The following SOS2 variants were observed in gnomAD, a reference collection of about 807,000 sequenced individuals.
SOS2 encodes the protein son of sevenless homolog 2.
In SOS2, 65 loss-of-function variants were observed where a neutral mutation model predicts 148.2. The ratio of observed to expected loss-of-function variants is 0.44; its 90% CI spans 0.36 to 0.54. The LOEUF is 0.54. Among genes scored for constraint, SOS2 ranks in the 20% least tolerant of loss-of-function variants. The probability of loss-of-function intolerance (pLI) is 0.00; values close to 1 mark genes in which losing one functional copy is unlikely to be tolerated. For synonymous variants in SOS2, 539 were observed against 537.1 expected, an observed-to-expected ratio of 1.00 and a Z score of -0.05; for missense variants, 1,341 against 1,590.2, an observed-to-expected ratio of 0.84 and a Z score of 2.67.
rs529165467 is a variant in SOS2 at position 50,147,737 on chromosome 14, A to G, written c.2385-2141T>C. 4.6e-5 allele frequency among the ~76,000 whole-genome samples: 7 copies of G among 152,336 alleles called. No individual in the cohort carries two copies. The East Asian group carries it at 1.3e-3, about 29-fold the overall frequency. On this transcript the variant is annotated intron_variant, in intron 14 of 22. Transcript: ENST00000216373. ...GTTGTTCATGAATATTCATTATATT[A>G]TTTCCTATATTTTTTGAATGCCTGA...
chr14:50,174,443 T>C lies in SOS2; in HGVS notation c.1068+11A>G. 1.3e-6 allele frequency: 2 copies of C among 1,512,502 alleles called. No homozygotes were observed. The highest frequency in any genetic ancestry group is 1.2e-5 in the South Asian group (1 of 83,308). The allele number at this position is 1,512,502 out of a possible 1,614,324, so 93.7% of individuals were successfully genotyped here. ...AGATAAGTACTTTGAGATTCTGTTA[T>C]AAAACCTTACCTTTAGTAACTCAAA... On this transcript the variant is annotated intron_variant, in intron 8 of 22. Coordinates refer to ENST00000216373, the MANE Select transcript of SOS2 (RefSeq NM_006939.4).
rs1566839704 is a variant in SOS2, at chr14:50,178,705, TATATATAC to T, written c.969+1859_969+1866del. Among the ~76,000 whole-genome samples, 219 of 129,350 alleles carry T rather than the reference TATATATAC, an allele frequency of 1.7e-3. 2 individuals are homozygous for T. Among genetic ancestry groups the T allele is most frequent in the African/African-American group, 6.2e-3 (204 of 33,042 alleles). 84.9% of individuals were successfully genotyped at this position (129,350 alleles called of 152,430 possible). On this transcript the variant is annotated intron_variant, in intron 7 of 22. Transcript: ENST00000216373. ...ATATATATATATATATATATATATA[TATATATAC>T]ACACATATACACACACATATATATA...
rs536084984 is a variant in SOS2 at position 50,135,089 on chromosome 14, AAAAGAAAGAAAGAAAG to A, written c.2959-866_2959-851del. Among the ~76,000 whole-genome samples, 18 of 131,576 alleles carry A rather than the reference AAAAGAAAGAAAGAAAG, an allele frequency of 1.4e-4. No homozygotes were observed. In the East Asian group the frequency reaches 3.6e-3, roughly 27 times the overall value. 86.3% of individuals were successfully genotyped at this position (131,576 alleles called of 152,430 possible). A position where few individuals can be genotyped will look rare whatever the true frequency, so the allele number is the denominator to read the frequency against. On this transcript the variant is annotated intron_variant, in intron 18 of 22. Transcript: ENST00000216373. ...ACTGTCTCAAAAAAAAAAAAAAAAA[AAAAGAAAGAAAGAAAG>A]AAAGAAAGAAAGAATGATTATAAAG...
At chr14:50,141,814 GAA>G (rs1566824302) in intron 16 of SOS2, among the ~76,000 whole-genome samples, 1 of 152,036 alleles carries the variant, frequency 6.6e-6, no homozygotes, top group East Asian at 1.9e-4. Context: ...CGTTCCTCCT[GAA>G]AAAGAGTAAG....
chr14:50,129,174 G>A (rs1354240717), intron 21 of SOS2, among the ~76,000 whole-genome samples: 1 of 151,978 alleles, frequency 6.6e-6, no homozygotes, highest in Non-Finnish European at 1.5e-5. Context: ...ATAGAATAGT[G>A]CTTTACTTAA....
At position 50,145,299 on chromosome 14, in the gene SOS2, C is replaced by A; in HGVS notation, c.2538G>T (p.Arg846=). The change falls in exon 16 of 23, where the codon CGG becomes CGT. Residue 846 remains arginine (R), a synonymous_variant. Coordinates refer to ENST00000216373, the MANE Select transcript of SOS2 (RefSeq NM_006939.4). ...CTATAATTCTACTTAGTACTGCCAC[C>A]CGTTCTTCAAAATTTTCTGCTTCCA... The part of the protein sequence containing the change: ...CIVEAENFEE[R]VAVLSRIIEI... 6.2e-7 allele frequency: 1 copy of A among 1,602,570 alleles called. No individual in the cohort carries two copies. The highest frequency in any genetic ancestry group is 8.5e-7 in the Non-Finnish European group (1 of 1,177,080).
rs142793566 is a variant in SOS2, at chr14:50,179,282, TACTA to T, written c.969+1286_969+1289del. 6.9e-3 allele frequency among the ~76,000 whole-genome samples: 1,044 copies of T among 152,312 alleles called. 16 individuals carry two copies. The highest frequency in any genetic ancestry group is 0.024 in the African/African-American group (1,004 of 41,564). On this transcript the variant is annotated intron_variant, in intron 7 of 22. Coordinates refer to ENST00000216373, the MANE Select transcript of SOS2 (RefSeq NM_006939.4). Reference sequence around the variant, plus strand: ...CTTTCTTCACTCTAGTTAATTATTCTACTAGAGTGAAGAAAGGTTTGTTCATTTG... The same window carrying T: ...CTTTCTTCACTCTAGTTAATTATTCTGAGTGAAGAAAGGTTTGTTCATTTG...
At chr14:50,206,467 C>T (rs754755380) in intron 1 of SOS2, among the ~76,000 whole-genome samples, 13 of 152,154 alleles carry the variant, frequency 8.5e-5, no homozygotes, top group Non-Finnish European at 1.6e-4. Flanking sequence ...CTATAGGTTA[C>T]TTGTAACACC....
Position 50,133,055 on chromosome 14 carries a change from T to C in SOS2, c.3075+1068A>G, listed in dbSNP as rs144436809. Reference sequence around the variant, plus strand: ...GTAAAAGAGACTGCAATGATATGGTTAAATTCCCAGGATCTTTAGTTTTTT... The same window carrying C: ...GTAAAAGAGACTGCAATGATATGGTCAAATTCCCAGGATCTTTAGTTTTTT... On this transcript the variant is annotated intron_variant, in intron 19 of 22. Coordinates refer to ENST00000216373, the MANE Select transcript of SOS2 (RefSeq NM_006939.4). Among the ~76,000 whole-genome samples, 67 of 152,224 alleles carry C rather than the reference T, an allele frequency of 4.4e-4. 1 individual carries two copies. The East Asian group carries it at 0.011, about 25-fold the overall frequency.
intron 8 of SOS2, among the ~76,000 whole-genome samples, chr14:50,164,713 A>G (rs1885117823): frequency 6.6e-6 from 1 of 151,958 alleles, no homozygotes; most frequent in African/African-American, 2.4e-5. Context: ...TCATGCCCCC[A>G]TTCGCTTTCT....
chr14:50,126,265 C>G (rs1883677405), intron 21 of SOS2, among the ~76,000 whole-genome samples: 1 of 152,090 alleles, frequency 6.6e-6, no homozygotes, highest in African/African-American at 2.4e-5. Flanking sequence ...CTCAAATATT[C>G]ATCATTTCTT....
In SOS2 at chr14:50,188,580, T is replaced by C. The variant is rs1420968803; in HGVS notation, c.631A>G (p.Arg211Gly). 4 of 1,608,072 alleles carry C rather than the reference T, an allele frequency of 2.5e-6. No homozygotes were observed. Among genetic ancestry groups the C allele is most frequent in the Non-Finnish European group, 3.4e-6 (4 of 1,177,988 alleles). The change falls in exon 5 of 23, where the codon AGA (arginine) becomes GGA (glycine). Residue 211 changes from arginine (R) to glycine (G), a missense_variant. Transcript: ENST00000216373. ...ATATTTAATTCCCGTAGATACTGTC[T>C]TTCTTCTGCGATTTCAGTTCTGACA... Reference protein sequence around the residue: ...DLVRTEIAEERQYLRELNMII... With the variant: ...DLVRTEIAEEGQYLRELNMII...
intron 4 of SOS2, among the ~76,000 whole-genome samples, chr14:50,192,450 G>T (rs1307631586): frequency 6.6e-6 from 1 of 152,106 alleles, no homozygotes; most frequent in African/African-American, 2.4e-5. Flanking sequence ...CAGCTACTCA[G>T]GAGGCTGATG....
intron 12 of SOS2, among the ~76,000 whole-genome samples, chr14:50,154,813 A>G (rs555245988): frequency 1.7e-4 from 26 of 152,330 alleles, no homozygotes; most frequent in Admixed American, 4.6e-4. Context: ...GAGAAGGAAC[A>G]TAAGGGAACT....
intron 4 of SOS2, among the ~76,000 whole-genome samples, chr14:50,196,232 T>C (rs1331113700): frequency 6.6e-6 from 1 of 152,108 alleles, no homozygotes; most frequent in Non-Finnish European, 1.5e-5. Flanking sequence ...ATATAGTAAA[T>C]AATAATGTAT....
intron 1 of SOS2, among the ~76,000 whole-genome samples, chr14:50,205,384 A>AT (rs1886627159): frequency 6.6e-6 from 1 of 152,162 alleles, no homozygotes; most frequent in Non-Finnish European, 1.5e-5. Flanking sequence ...AGTCAGAAGG[A>AT]TATCAGAAGC....
At chr14:50,133,363 A>G (rs1384461446) in intron 19 of SOS2, among the ~76,000 whole-genome samples, 1 of 146,026 alleles carries the variant, frequency 6.8e-6, no homozygotes, top group African/African-American at 2.5e-5. Flanking sequence ...ATGCCTGGCT[A>G]ATTTTTTTGT....
intron 22 of SOS2, among the ~76,000 whole-genome samples, chr14:50,119,162 T>A (rs1274470839): frequency 6.6e-6 from 1 of 152,236 alleles, no homozygotes; most frequent in Admixed American, 6.5e-5. Context: ...TTTATAGACA[T>A]GAAAGGACAT....
intron 14 of SOS2, among the ~76,000 whole-genome samples, chr14:50,148,265 C>T (rs897804002): frequency 4.6e-5 from 7 of 151,886 alleles, no homozygotes; most frequent in Admixed American, 2.0e-4. Context: ...TATAAAAAAG[C>T]CGGGCATGGT....
Sources: allele counts gnomAD v4.1 joint callset (sites outside exome capture counted in the v4.1 genomes callset), GRCh38; gene constraint gnomAD v4.1.1; transcripts MANE v1.5; gene names NCBI Gene and HGNC (gene_info 2026-07-23, HGNC 2026-07-21).